Variants in TIAM2 observed in about 807,000 individuals in gnomAD.
TIAM2 encodes the protein rho guanine nucleotide exchange factor TIAM2.
Under a neutral mutation model 152.9 loss-of-function variants are expected in TIAM2, and 80 were observed. That is an observed-to-expected ratio of 0.52 (90% CI 0.44 to 0.63). TIAM2 has a LOEUF of 0.63. TIAM2 is among the 30% of genes least tolerant of loss of function. The probability of loss-of-function intolerance (pLI) is 0.00; values close to 1 mark genes in which losing one functional copy is unlikely to be tolerated. For synonymous variants in TIAM2, 804 were observed against 838.0 expected, an observed-to-expected ratio of 0.96 and a Z score of 0.70; for missense variants, 1,965 against 2,120.1, an observed-to-expected ratio of 0.93 and a Z score of 1.44.
At chr6:155,063,221 A>G (rs1455276776) in intron 1 of TIAM2, among the ~76,000 whole-genome samples, 3 of 152,142 alleles carry the variant, frequency 2.0e-5, no homozygotes, top group Non-Finnish European at 4.4e-5. Flanking sequence ...CAGTAACAAG[A>G]TCTCTGCAAC....
intron 24 of TIAM2, 36 bp from the exon 25 acceptor site, chr6:155,253,937 A>G: frequency 6.4e-7 from 1 of 1,564,084 alleles, no homozygotes; most frequent in South Asian, 1.2e-5. Context: ...TTTTGGGCAA[A>G]GTTGTAGACT....
At chr6:155,063,558 C>T (rs139928004) in intron 1 of TIAM2, among the ~76,000 whole-genome samples, 33 of 151,998 alleles carry the variant, frequency 2.2e-4, no homozygotes, top group Non-Finnish European at 3.8e-4. Flanking sequence ...CCGAGGTGGG[C>T]GGATCACAAG....
chr6:155,229,882 G>A (rs1410641429), intron 15 of TIAM2, among the ~76,000 whole-genome samples: 1 of 152,050 alleles, frequency 6.6e-6, no homozygotes, highest in Non-Finnish European at 1.5e-5. Context: ...GTGTGCAGGG[G>A]AACTGCCCTT....
At chr6:155,144,163 C>A (rs2115059400) in intron 5 of TIAM2, among the ~76,000 whole-genome samples, 1 of 152,292 alleles carries the variant, frequency 6.6e-6, no homozygotes, top group East Asian at 1.9e-4. Context: ...AAAGCACAGA[C>A]CACAGACTAT....
chr6:155,094,419 C>A (rs1171075021), intron 2 of TIAM2, among the ~76,000 whole-genome samples: 1 of 151,576 alleles, frequency 6.6e-6, no homozygotes, highest in Admixed American at 6.6e-5. Flanking sequence ...TTTCAAACTT[C>A]AAGAAAAAAA....
At chr6:155,029,471 C>CTATATATTATATATACTA (rs367644733) in intron 1 of TIAM2, among the ~76,000 whole-genome samples, 1 of 12,584 alleles carries the variant, frequency 7.9e-5, no homozygotes, top group Non-Finnish European at 1.6e-4. Flanking sequence ...ATAATATATA[C>CTATATATTATATATACTA]TATAGTATAT....
intron 2 of TIAM2, among the ~76,000 whole-genome samples, chr6:155,110,260 A>G (rs1583195103): frequency 6.6e-6 from 1 of 151,088 alleles, no homozygotes; most frequent in East Asian, 1.9e-4. Flanking sequence ...GCCGACATGC[A>G]CATACATTTC....
At chr6:155,165,477 T>TATGG in intron 9 of TIAM2, 68 bp downstream of exon 9, 1 of 1,545,868 alleles carries the variant, frequency 6.5e-7, no homozygotes, top group African/African-American at 1.4e-5. Context: ...TTCGGCCTGC[T>TATGG]ATGAATCATC....
intron 1 of TIAM2, among the ~76,000 whole-genome samples, chr6:155,088,627 C>A (rs1050730736): frequency 1.3e-5 from 2 of 152,074 alleles, no homozygotes; most frequent in Non-Finnish European, 2.9e-5. Flanking sequence ...AATAACTGGG[C>A]TGAGCTCACT....
At chr6:155,070,280 G>A (rs1777812378) in intron 1 of TIAM2, among the ~76,000 whole-genome samples, 1 of 134,646 alleles carries the variant, frequency 7.4e-6, no homozygotes, top group African/African-American at 2.8e-5. Flanking sequence ...GAGTACAGTG[G>A]GGCGATCTCG....
chr6:155,054,287 C>G (rs908933445), intron 1 of TIAM2, among the ~76,000 whole-genome samples: 1 of 152,198 alleles, frequency 6.6e-6, no homozygotes. Flanking sequence ...GTCCTCTAAT[C>G]CTTCTCACCT....
intron 9 of TIAM2, among the ~76,000 whole-genome samples, chr6:155,169,562 G>C (rs1159845912): frequency 6.6e-6 from 1 of 152,146 alleles, no homozygotes; most frequent in Non-Finnish European, 1.5e-5. Flanking sequence ...ATACAAAATT[G>C]CATTTTCCTC....
chr6:155,078,643 C>T (rs572254488), intron 1 of TIAM2, among the ~76,000 whole-genome samples: 46 of 152,364 alleles, frequency 3.0e-4, no homozygotes, highest in Middle Eastern at 6.8e-3. Context: ...ATCATCCCGC[C>T]TCTGTCTGAA....
chr6:155,152,378 C>T (rs1420843803), intron 7 of TIAM2, among the ~76,000 whole-genome samples: 2 of 152,178 alleles, frequency 1.3e-5, no homozygotes, highest in African/African-American at 4.8e-5. Context: ...GCCCTGCCTG[C>T]CCCTCTTAAG....
intron 2 of TIAM2, among the ~76,000 whole-genome samples, chr6:155,111,661 G>A (rs1036322591): frequency 5.9e-5 from 9 of 152,110 alleles, no homozygotes; most frequent in South Asian, 2.1e-4. Context: ...CCTCTTGTGC[G>A]TGCAATTCCT....
chr6:155,081,271 CTGTT>C (rs1355761714), intron 1 of TIAM2, among the ~76,000 whole-genome samples: 1 of 152,076 alleles, frequency 6.6e-6, no homozygotes, highest in Non-Finnish European at 1.5e-5. Context: ...GCTCGTGCAT[CTGTT>C]TGTTTCTTCC....
chr6:155,068,602 G>T (rs75028229), intron 1 of TIAM2, among the ~76,000 whole-genome samples: 1 of 143,260 alleles, frequency 7.0e-6, no homozygotes, highest in Non-Finnish European at 1.5e-5. Flanking sequence ...ACAGGCACCC[G>T]CCCCCCCATC....
intron 2 of TIAM2, among the ~76,000 whole-genome samples, chr6:155,118,930 C>T (rs1246883468): frequency 6.7e-6 from 1 of 150,374 alleles, no homozygotes; most frequent in African/African-American, 2.5e-5. Context: ...GTCCAGATTG[C>T]ACATTAATGA....
intron 1 of TIAM2, among the ~76,000 whole-genome samples, chr6:155,043,559 G>A (rs956034277): frequency 6.6e-5 from 10 of 150,964 alleles, no homozygotes; most frequent in South Asian, 2.1e-4. Flanking sequence ...GCTTGAGCCC[G>A]GGAGTTTGAG....
Sources: allele counts gnomAD v4.1 joint callset (sites outside exome capture counted in the v4.1 genomes callset), GRCh38; gene constraint gnomAD v4.1.1; transcripts MANE v1.5; gene names NCBI Gene and HGNC (gene_info 2026-07-23, HGNC 2026-07-21).